Variants in PTPRD observed in about 807,000 individuals in gnomAD.
PTPRD encodes the protein protein tyrosine phosphatase receptor type D.
A neutral mutation model predicts 214.5 loss-of-function variants in PTPRD; 34 were observed. The observed-to-expected ratio is 0.16, with a 90% CI of 0.12 to 0.21. PTPRD has a LOEUF of 0.21. Ranked by LOEUF, PTPRD falls within the 10% of genes least tolerant of loss-of-function variation. The pLI, the probability that PTPRD is intolerant of heterozygous loss-of-function variation, is 1.00. For synonymous variants in PTPRD, 1,128 were observed against 845.7 expected, an observed-to-expected ratio of 1.33 and a Z score of -5.79; for missense variants, 2,545 against 2,398.7, an observed-to-expected ratio of 1.06 and a Z score of -1.27.
chr9:9,619,412 A>G (rs1338629705), intron 7 of PTPRD, among the ~76,000 whole-genome samples: 1 of 151,250 alleles, frequency 6.6e-6, no homozygotes, highest in Non-Finnish European at 1.5e-5. Flanking sequence ...GATCCAACCT[A>G]AATTATGAAA....
In PTPRD at chr9:10,405,830, T is replaced by A. The variant is rs938818075; in HGVS notation, c.-599-64813A>T. 7.1e-4 allele frequency among the ~76,000 whole-genome samples: 107 copies of A among 151,602 alleles called. 1 individual carries two copies. Among genetic ancestry groups the A allele is most frequent in the African/African-American group, 2.5e-3 (103 of 41,474 alleles). ...AGGGAAGACGATAGGCATCAAGATT[T>A]TATTAAAATAAAATTTAAAAGAATT... On this transcript the variant is annotated intron_variant, in intron 2 of 45. Coordinates refer to ENST00000381196, the MANE Select transcript of PTPRD (RefSeq NM_002839.4).
chr9:8,327,486 G>C (rs370073570), intron 44 of PTPRD, among the ~76,000 whole-genome samples: 2 of 152,118 alleles, frequency 1.3e-5, no homozygotes. Context: ...GTGCAATTTG[G>C]TGCTGAGAAG....
chr9:8,770,110 G>A (rs553248679), intron 11 of PTPRD, among the ~76,000 whole-genome samples: 12 of 152,056 alleles, frequency 7.9e-5, no homozygotes, highest in Admixed American at 4.6e-4. Flanking sequence ...GTGAACCCTC[G>A]TCTCTACCAA....
At chr9:9,070,484 G>T (rs575723545) in intron 10 of PTPRD, among the ~76,000 whole-genome samples, 1 of 152,130 alleles carries the variant, frequency 6.6e-6, no homozygotes, top group South Asian at 2.1e-4. Flanking sequence ...ATTTTGAAGA[G>T]AATAATATGC....
At chr9:9,811,538 T>C (rs901460451) in intron 5 of PTPRD, among the ~76,000 whole-genome samples, 1 of 151,972 alleles carries the variant, frequency 6.6e-6, no homozygotes, top group African/African-American at 2.4e-5. Flanking sequence ...AAGCCCCATC[T>C]CTACTAAAAA....
chr9:8,338,795 C>T, intron 43 of PTPRD, 127 bp downstream of exon 43: 1 of 860,118 alleles, frequency 1.2e-6, no homozygotes, highest in Non-Finnish European at 1.7e-6. Flanking sequence ...AAACGTTCTC[C>T]AGAATGAATG....
intron 11 of PTPRD, among the ~76,000 whole-genome samples, chr9:8,856,349 A>T (rs547105444): frequency 3.3e-5 from 5 of 152,278 alleles, no homozygotes; most frequent in African/African-American, 1.2e-4. Flanking sequence ...TCTATGGTTG[A>T]ACTAAGTCCC....
chr9:10,363,999 T>G (rs79180213), intron 2 of PTPRD, among the ~76,000 whole-genome samples: 142 of 7,844 alleles, frequency 0.018, 3 homozygotes, highest in East Asian at 0.057. Flanking sequence ...GGGTTTTTTT[T>G]TTTTTTTTTT....
At chr9:8,796,505 G>A (rs1157618234) in intron 11 of PTPRD, among the ~76,000 whole-genome samples, 1 of 152,052 alleles carries the variant, frequency 6.6e-6, no homozygotes, top group Non-Finnish European at 1.5e-5. Context: ...GAGTACTTGT[G>A]ACTATCAAGT....
At chr9:9,108,188 C>G (rs1042518912) in intron 10 of PTPRD, among the ~76,000 whole-genome samples, 1 of 152,026 alleles carries the variant, frequency 6.6e-6, no homozygotes. Flanking sequence ...ATATTATTTA[C>G]GTTTGTCTGT....
intron 5 of PTPRD, among the ~76,000 whole-genome samples, chr9:9,906,432 A>G (rs1338671756): frequency 6.6e-6 from 1 of 151,788 alleles, no homozygotes; most frequent in African/African-American, 2.4e-5. Flanking sequence ...CTTATCTTTT[A>G]CTGGTTAACC....
chr9:8,470,626 G>C (rs1179734592), intron 31 of PTPRD, among the ~76,000 whole-genome samples: 1 of 152,084 alleles, frequency 6.6e-6, no homozygotes, highest in East Asian at 1.9e-4. Context: ...GACAGCCTCA[G>C]CAACTGTTGC....
chr9:10,377,445 C>T (rs537623361), intron 2 of PTPRD, among the ~76,000 whole-genome samples: 9 of 151,990 alleles, frequency 5.9e-5, no homozygotes, highest in East Asian at 2.0e-4. Flanking sequence ...CCCCTCTCCC[C>T]CCACCCCACA....
Position 9,887,698 on chromosome 9 carries a change from C to A in PTPRD, c.-368+50809G>T, listed in dbSNP as rs12237163. Among the ~76,000 whole-genome samples the A allele has an allele frequency of 6.9e-3, 1,051 of 152,164 alleles. 82 individuals are homozygous for A. In the East Asian group the frequency reaches 0.17, roughly 24 times the overall value. On this transcript the variant is annotated intron_variant, in intron 5 of 45. Coordinates refer to ENST00000381196, the MANE Select transcript of PTPRD (RefSeq NM_002839.4). The stretch of plus-strand genomic sequence containing the variant: ...TAGTGAAAGACCTAACTTGCACTTC[C>A]TTAAAAGTATTTAATGGGAGGTGGA...
chr9:9,042,414 A>G (rs2099642907), intron 10 of PTPRD, among the ~76,000 whole-genome samples: 1 of 152,134 alleles, frequency 6.6e-6, no homozygotes, highest in Non-Finnish European at 1.5e-5. Context: ...GAGAACAGTT[A>G]GACTGGCAGG....
At chr9:8,566,345 A>T (rs1410605056) in intron 14 of PTPRD, among the ~76,000 whole-genome samples, 5 of 152,022 alleles carry the variant, frequency 3.3e-5, no homozygotes, top group Non-Finnish European at 7.4e-5. Context: ...TGTTTTCTTC[A>T]CTCATGTTCC....
At chr9:8,724,996 A>G (rs2098542265) in intron 12 of PTPRD, among the ~76,000 whole-genome samples, 1 of 152,166 alleles carries the variant, frequency 6.6e-6, no homozygotes, top group Non-Finnish European at 1.5e-5. Context: ...TAAAATCTAA[A>G]TAACACATGT....
At chr9:9,732,908 T>C (rs1002143360) in intron 7 of PTPRD, among the ~76,000 whole-genome samples, 4 of 93,958 alleles carry the variant, frequency 4.3e-5, no homozygotes, top group African/African-American at 8.4e-5. Flanking sequence ...TGAAACCTTG[T>C]TTCCAAAAAA....
chr9:9,554,319 T>C (rs2081005962), intron 8 of PTPRD, among the ~76,000 whole-genome samples: 3 of 152,054 alleles, frequency 2.0e-5, no homozygotes, highest in South Asian at 2.1e-4. Flanking sequence ...GACTAATGGA[T>C]AGAGACTAAT....
Sources: gnomAD v4.1 joint callset for allele counts (sites outside exome capture counted in the v4.1 genomes callset) on GRCh38, gnomAD v4.1.1 for gene constraint, MANE v1.5 for transcripts, NCBI Gene and HGNC (gene_info 2026-07-23, HGNC 2026-07-21) for gene names.